Variants in RAI14 observed in about 807,000 individuals in gnomAD.
RAI14 encodes the protein retinoic acid induced 14, also known as ankycorbin.
RAI14 carries 45 observed loss-of-function variants against 115.4 expected under a neutral mutation model. That is an observed-to-expected ratio of 0.39 (90% confidence interval 0.31 to 0.50). The LOEUF (loss-of-function observed/expected upper bound fraction) is 0.50, where lower values mean the gene tolerates loss of function less well. RAI14 is among the 20% of genes least tolerant of loss of function. The probability of loss-of-function intolerance (pLI) is 0.85; values close to 1 mark genes in which losing one functional copy is unlikely to be tolerated. For missense variants in RAI14, 939 were observed against 1,131.2 expected (o/e 0.83, Z 2.44); for synonymous variants, 371 against 415.4 (o/e 0.89, Z 1.30).
chr5:34,683,796 C>T (rs1474821918), intron 1 of RAI14, among the ~76,000 whole-genome samples: 1 of 151,510 alleles, frequency 6.6e-6, no homozygotes, highest in Admixed American at 6.6e-5. Context: ...GGCGCGATAT[C>T]GGCTCACTGC....
chr5:34,732,746 CAT>C (rs1264400392), intron 2 of RAI14, among the ~76,000 whole-genome samples: 3 of 147,630 alleles, frequency 2.0e-5, no homozygotes, highest in Admixed American at 6.8e-5. Context: ...ATTTAAAAGT[CAT>C]ATATATGTAT....
chr5:34,805,976 C>T (rs774481587), intron 5 of RAI14, among the ~76,000 whole-genome samples: 3 of 152,170 alleles, frequency 2.0e-5, no homozygotes, highest in East Asian at 1.9e-4. Flanking sequence ...AAACAGCAGC[C>T]CCTATCCCAG....
intron 4 of RAI14, among the ~76,000 whole-genome samples, chr5:34,799,110 T>C (rs1753886614): frequency 6.6e-6 from 1 of 152,214 alleles, no homozygotes; most frequent in African/African-American, 2.4e-5. Context: ...CTTCTCATTT[T>C]TTTCTGTCCC....
chr5:34,767,617 CACCCCCCA>C (rs1749586104), intron 3 of RAI14, among the ~76,000 whole-genome samples: 1 of 145,816 alleles, frequency 6.9e-6, no homozygotes, highest in African/African-American at 2.5e-5. Context: ...CCACCCCCAC[CACCCCCCA>C]CCCCATTCCA....
rs1271074567 is a variant in RAI14, at chr5:34,687,481, C to G, written c.36+526C>G. On this transcript the variant is annotated intron_variant, in intron 2 of 17. Coordinates refer to ENST00000265109, the MANE Select transcript of RAI14 (RefSeq NM_015577.3). ...GACTCGTACTCATTTGTTATCTAAC[C>G]AATCCATAAAAGACTCTGGATTGGA... is the stretch of plus-strand genomic sequence containing the variant. The G allele has an allele frequency of 3.4e-6, 4 of 1,186,510 alleles. No individual in the cohort carries two copies. In the Admixed American group the frequency reaches 1.4e-4, roughly 40 times the overall value. The allele number at this position is 1,186,510 out of a possible 1,614,324, so 73.5% of individuals were successfully genotyped here. A position where few individuals can be genotyped will look rare whatever the true frequency, so the allele number is the denominator to read the frequency against.
chr5:34,686,128 C>T (rs1452858375), intron 1 of RAI14, among the ~76,000 whole-genome samples: 1 of 152,150 alleles, frequency 6.6e-6, no homozygotes, highest in Non-Finnish European at 1.5e-5. Flanking sequence ...TCACTTTTCA[C>T]AAGGAGGTGG....
chr5:34,692,351 T>C (rs1168250323), intron 2 of RAI14, among the ~76,000 whole-genome samples: 39 of 151,958 alleles, frequency 2.6e-4, no homozygotes, highest in Admixed American at 2.6e-3. Context: ...GAGTTTTTAG[T>C]CATTTATAAT....
At chr5:34,736,201 C>T (rs1415753755) in intron 2 of RAI14, among the ~76,000 whole-genome samples, 1 of 152,146 alleles carries the variant, frequency 6.6e-6, no homozygotes, top group Non-Finnish European at 1.5e-5. Context: ...AGGAATTCGA[C>T]ACCAGGCTGG....
At chr5:34,724,349 C>G (rs1447213693) in intron 2 of RAI14, among the ~76,000 whole-genome samples, 1 of 152,086 alleles carries the variant, frequency 6.6e-6, no homozygotes, top group East Asian at 1.9e-4. Context: ...GATCCATATC[C>G]TTTAAATCTG....
chr5:34,747,885 C>T (rs963062646), intron 2 of RAI14, among the ~76,000 whole-genome samples: 2 of 152,100 alleles, frequency 1.3e-5, no homozygotes, highest in African/African-American at 4.8e-5. Context: ...TTGCCCATGC[C>T]CTGGAAGTCT....
chr5:34,821,178 A>G (rs1158434298), intron 13 of RAI14, among the ~76,000 whole-genome samples: 3 of 152,172 alleles, frequency 2.0e-5, no homozygotes, highest in African/African-American at 7.2e-5. Context: ...CAATTAAAGC[A>G]CTTGACCCAG....
At chr5:34,705,347 T>G (rs886985836) in intron 2 of RAI14, among the ~76,000 whole-genome samples, 21 of 152,194 alleles carry the variant, frequency 1.4e-4, no homozygotes, top group African/African-American at 4.8e-4. Flanking sequence ...TCATGGTGAT[T>G]TCATGCTGAA....
chr5:34,784,839 A>G (rs1181463631), intron 3 of RAI14, among the ~76,000 whole-genome samples: 3 of 152,338 alleles, frequency 2.0e-5, no homozygotes, highest in East Asian at 1.9e-4. Flanking sequence ...AGAATAGAAA[A>G]TAGATTACTC....
chr5:34,665,174 C>CATATATGT (rs1426275543), intron 1 of RAI14, among the ~76,000 whole-genome samples: 1 of 3,050 alleles, frequency 3.3e-4, no homozygotes, highest in African/African-American at 8.8e-4. Context: ...TATATATATA[C>CATATATGT]ACACATATAT....
At position 34,730,929 on chromosome 5, in the gene RAI14, G is replaced by A. The variant is rs1163154567; in HGVS notation, c.37-26539G>A. ...ACCTGGTAGGTGGAGGTTGCAGTGAGCTGAGGCCGTGCCATTGCACTCCCA... is the reference window on the plus strand; with the variant it reads ...ACCTGGTAGGTGGAGGTTGCAGTGAACTGAGGCCGTGCCATTGCACTCCCA... On this transcript the variant is annotated intron_variant, in intron 2 of 17. Transcript: ENST00000265109. Among the ~76,000 whole-genome samples the A allele has an allele frequency of 5.3e-5, 8 of 152,226 alleles. 1 individual carries two copies. Among genetic ancestry groups the A allele is most frequent in the Admixed American group, 4.6e-4 (7 of 15,284 alleles).
intron 1 of RAI14, among the ~76,000 whole-genome samples, chr5:34,663,862 G>T (rs1742895596): frequency 1.3e-5 from 2 of 152,218 alleles, no homozygotes; most frequent in Admixed American, 6.5e-5. Context: ...ACTCTTTGCG[G>T]AAGTTTGTGC....
At chr5:34,799,685 ATTTTTTTTTTTT>A (rs57115550) in intron 4 of RAI14, among the ~76,000 whole-genome samples, 1 of 103,414 alleles carries the variant, frequency 9.7e-6, no homozygotes, top group African/African-American at 3.9e-5. Flanking sequence ...ATCTGTTAGC[ATTTTTTTTTTTT>A]TTTTTTTTTT....
chr5:34,752,119 G>A (rs1428759035), intron 2 of RAI14, among the ~76,000 whole-genome samples: 1 of 151,984 alleles, frequency 6.6e-6, no homozygotes, highest in Non-Finnish European at 1.5e-5. Flanking sequence ...TATAAGGCTG[G>A]GCTCCTTAGT....
rs1485018091 is a variant in RAI14, at chr5:34,707,304, TA to T, written c.36+20354del. On this transcript the variant is annotated intron_variant, in intron 2 of 17. Coordinates refer to ENST00000265109, the MANE Select transcript of RAI14 (RefSeq NM_015577.3). ...CAACATGGTAAAACCACATCTCTAC[TA>T]AAAATACAGAAATTAGCCCGACGTG... 5.3e-5 allele frequency among the ~76,000 whole-genome samples: 8 copies of T among 152,146 alleles called. No individual in the cohort carries two copies. The East Asian group carries it at 1.5e-3, about 29-fold the overall frequency.
Sources: gnomAD v4.1 joint callset for allele counts (sites outside exome capture counted in the v4.1 genomes callset) on GRCh38, gnomAD v4.1.1 for gene constraint, MANE v1.5 for transcripts, NCBI Gene and HGNC (gene_info 2026-07-23, HGNC 2026-07-21) for gene names.